Variants in PUM3 observed in about 807,000 individuals in gnomAD.
The protein encoded by PUM3 is pumilio homolog 3.
Under a neutral mutation model 84.0 loss-of-function variants are expected in PUM3, and 91 were observed. That is an observed-to-expected ratio of 1.08 (90% CI 0.91 to 1.29). The LOEUF is 1.29. PUM3 is among the 50% of genes most tolerant of loss of function. The probability of loss-of-function intolerance (pLI) is 0.00; values close to 1 mark genes in which losing one functional copy is unlikely to be tolerated. For synonymous variants in PUM3, 321 were observed against 266.7 expected (o/e 1.20, Z -1.98); for missense variants, 1,067 against 767.5 (o/e 1.39, Z -4.61).
chr9:2,842,824 T>C (rs1306680520), intron 1 of PUM3, among the ~76,000 whole-genome samples: 1 of 152,198 alleles, frequency 6.6e-6, no homozygotes, highest in Non-Finnish European at 1.5e-5. Flanking sequence ...CTTTATGTTA[T>C]TGTTGTTTGC....
chr9:2,826,857 AT>A (rs1815836307), intron 10 of PUM3, among the ~76,000 whole-genome samples: 1 of 152,216 alleles, frequency 6.6e-6, no homozygotes, highest in Non-Finnish European at 1.5e-5. Context: ...AAAATTTAAT[AT>A]GATTAGTAAA....
At chr9:2,806,869 A>G (rs1821268603) in intron 17 of PUM3, among the ~76,000 whole-genome samples, 1 of 152,240 alleles carries the variant, frequency 6.6e-6, no homozygotes, top group African/African-American at 2.4e-5. Context: ...GCATGATTTA[A>G]AAGTCAACAT....
At chr9:2,810,755 G>A (rs971569693) in intron 15 of PUM3, among the ~76,000 whole-genome samples, 5 of 152,204 alleles carry the variant, frequency 3.3e-5, no homozygotes, top group African/African-American at 7.2e-5. Flanking sequence ...ATTGAAATAT[G>A]TCATTCTCAG....
intron 10 of PUM3, among the ~76,000 whole-genome samples, chr9:2,826,816 C>T (rs1463843284): frequency 6.6e-6 from 1 of 151,908 alleles, no homozygotes; most frequent in Non-Finnish European, 1.5e-5. Context: ...GGTTAGCCAG[C>T]GGATACTCTC....
At chr9:2,830,373 C>T (rs1563833231) in intron 7 of PUM3, among the ~76,000 whole-genome samples, 1 of 152,162 alleles carries the variant, frequency 6.6e-6, no homozygotes, top group Non-Finnish European at 1.5e-5. Flanking sequence ...CATTAATACA[C>T]TCAAAAAGAT....
At chr9:2,827,526 C>T (rs1417970570) in intron 9 of PUM3, among the ~76,000 whole-genome samples, 1 of 152,106 alleles carries the variant, frequency 6.6e-6, no homozygotes, top group Admixed American at 6.6e-5. Context: ...TGTTTTATTT[C>T]TGTTAACACC....
rs151064539 is a variant in PUM3 at position 2,829,901 on chromosome 9, A to C, written c.725T>G (p.Val242Gly). ...AEIIRSFKGHVRKMLRHAEAS... is the reference protein window; with the variant it reads ...AEIIRSFKGHGRKMLRHAEAS... ...TTCCGCATGCCGCAGCATCTTCCTC[A>C]CGTGGCCTTTAAAACTTCTGATTAT... is the stretch of plus-strand genomic sequence containing the variant. Residue 242 changes from valine (V) to glycine (G), a missense_variant, in exon 8 of 18, where the codon GTG (valine) becomes GGG (glycine). Val to Gly is a moderately radical substitution (Grantham distance 109). Transcript: ENST00000397885. 10 of 1,613,836 alleles carry C rather than the reference A, an allele frequency of 6.2e-6. No individual in the cohort carries two copies. The highest frequency in any genetic ancestry group is 1.7e-5 in the Admixed American group (1 of 60,002).
rs1816072258 is a variant in PUM3, at chr9:2,834,644, A to C, written c.305-478T>G. 2.6e-5 allele frequency among the ~76,000 whole-genome samples: 4 copies of C among 152,184 alleles called. No individual in the cohort carries two copies. In the South Asian group the frequency reaches 8.3e-4, roughly 32 times the overall value. ...CAACAACTCGAAGAGGTAGGTATTA[A>C]TATTACCCTCTCTTCCATGGTGGGG... On this transcript the variant is annotated intron_variant, in intron 3 of 17. Coordinates refer to ENST00000397885, the MANE Select transcript of PUM3 (RefSeq NM_014878.5).
intron 1 of PUM3, among the ~76,000 whole-genome samples, chr9:2,842,406 T>G (rs1816288829): frequency 6.6e-6 from 1 of 152,138 alleles, no homozygotes; most frequent in East Asian, 1.9e-4. Context: ...ACTCAGGCAT[T>G]CACAGCCATT....
intron 12 of PUM3, among the ~76,000 whole-genome samples, chr9:2,820,941 G>C (rs1235282122): frequency 6.6e-6 from 1 of 152,160 alleles, no homozygotes; most frequent in African/African-American, 2.4e-5. Context: ...TGTGGCATGA[G>C]TATCCTGGAT....
chr9:2,834,245 C>T (rs1816062566), intron 3 of PUM3, 79 bp from the exon 4 acceptor site: 2 of 1,254,446 alleles, frequency 1.6e-6, no homozygotes, highest in East Asian at 4.8e-5. Flanking sequence ...GTAAAAAGGG[C>T]AATCACTAAT....
chr9:2,811,874 A>C (rs1282619406), intron 14 of PUM3, among the ~76,000 whole-genome samples: 1 of 151,936 alleles, frequency 6.6e-6, no homozygotes, highest in Non-Finnish European at 1.5e-5. Flanking sequence ...AAAACCAAAT[A>C]ACATACCCAG....
intron 12 of PUM3, among the ~76,000 whole-genome samples, chr9:2,822,773 TA>T (rs1815689598): frequency 6.7e-6 from 1 of 148,682 alleles, no homozygotes; most frequent in African/African-American, 2.4e-5. Flanking sequence ...TAATTCATAT[TA>T]TAATTATGAA....
intron 11 of PUM3, 76 bp from the exon 12 acceptor site, chr9:2,823,910 A>G: frequency 1.4e-6 from 1 of 704,474 alleles, no homozygotes; most frequent in Non-Finnish European, 2.3e-6. Flanking sequence ...ATTTTAATAT[A>G]ATATTTATTA....
At position 2,824,706 on chromosome 9, in the gene PUM3, G is replaced by A. The variant is rs759849294; in HGVS notation, c.1134+11C>T. ...TGTACAGTTTAAATGCCCAAGTGCT[G>A]TCACACTTACCTTGGGCGTGCCATG... On this transcript the variant is annotated intron_variant, in intron 11 of 17. Transcript: ENST00000397885. 2 of 1,510,928 alleles carry A rather than the reference G, an allele frequency of 1.3e-6. No individual in the cohort carries two copies. Among genetic ancestry groups the A allele is most frequent in the Non-Finnish European group, 1.8e-6 (2 of 1,114,054 alleles). The allele number at this position is 1,510,928 out of a possible 1,614,324, so 93.6% of individuals were successfully genotyped here. A position where few individuals can be genotyped will look rare whatever the true frequency, so the allele number is the denominator to read the frequency against.
chr9:2,816,354 C>T (rs1414174951), intron 13 of PUM3, among the ~76,000 whole-genome samples: 1 of 152,172 alleles, frequency 6.6e-6, no homozygotes, highest in Admixed American at 6.5e-5. Flanking sequence ...TCTACCTTTT[C>T]AGCTGCACTA....
chr9:2,810,318 A>G (rs1195006717), intron 16 of PUM3, 26 bp downstream of exon 16: 1 of 1,464,214 alleles, frequency 6.8e-7, no homozygotes, highest in African/African-American at 1.4e-5. Flanking sequence ...ATGAGATACA[A>G]GAAAAGGTCA....
At chr9:2,827,024 A>G (rs1056900091) in intron 10 of PUM3, 49 bp downstream of exon 10, 1 of 1,455,786 alleles carries the variant, frequency 6.9e-7, no homozygotes, top group African/African-American at 1.4e-5. Context: ...AAATTTCTAC[A>G]CCGCTCCTCC....
chr9:2,819,435 C>T (rs1309443618), intron 13 of PUM3, among the ~76,000 whole-genome samples: 1 of 152,164 alleles, frequency 6.6e-6, no homozygotes, highest in Non-Finnish European at 1.5e-5. Context: ...CAAAAGGAAG[C>T]TAGAGTTTTA....
Sources: allele counts gnomAD v4.1 joint callset (sites outside exome capture counted in the v4.1 genomes callset), GRCh38; gene constraint gnomAD v4.1.1; transcripts MANE v1.5; gene names NCBI Gene and HGNC (gene_info 2026-07-23, HGNC 2026-07-21).